Variants in TCERG1L observed in about 807,000 individuals in gnomAD.
The protein encoded by TCERG1L is transcription elongation regulator 1-like protein.
TCERG1L carries 37 observed loss-of-function variants against 56.3 expected under a neutral mutation model. The observed-to-expected ratio is 0.66, with a 90% CI of 0.51 to 0.87. The LOEUF (loss-of-function observed/expected upper bound fraction) is 0.87, where lower values mean the gene tolerates loss of function less well. TCERG1L is among the 40% of genes least tolerant of loss of function. The pLI is 0.00. For synonymous variants in TCERG1L, 324 were observed against 326.3 expected (o/e 0.99, Z 0.08); for missense variants, 799 against 774.2 (o/e 1.03, Z -0.38).
chr10:131,291,479 T>C (rs1350274197), intron 3 of TCERG1L, among the ~76,000 whole-genome samples: 1 of 129,566 alleles, frequency 7.7e-6, no homozygotes, highest in African/African-American at 2.9e-5. Context: ...CAGGTTGGAG[T>C]GCAGTGGCGT....
chr10:131,253,722 C>A (rs569029750), intron 4 of TCERG1L, among the ~76,000 whole-genome samples: 1 of 152,246 alleles, frequency 6.6e-6, no homozygotes, highest in South Asian at 2.1e-4. Flanking sequence ...TCGACCAACA[C>A]GCCAGAGCAT....
At chr10:131,290,676 A>T (rs996640050) in intron 3 of TCERG1L, among the ~76,000 whole-genome samples, 2 of 151,744 alleles carry the variant, frequency 1.3e-5, no homozygotes, top group Non-Finnish European at 2.9e-5. Flanking sequence ...ACAAAACAAC[A>T]GCATTTTCTT....
chr10:131,279,902 C>T (rs1249623546), intron 3 of TCERG1L, among the ~76,000 whole-genome samples: 1 of 152,152 alleles, frequency 6.6e-6, no homozygotes, highest in Non-Finnish European at 1.5e-5. Flanking sequence ...ACACCCTCCT[C>T]TCAACAGCAA....
intron 3 of TCERG1L, among the ~76,000 whole-genome samples, chr10:131,307,461 C>G (rs1280409282): frequency 6.6e-6 from 1 of 152,088 alleles, no homozygotes; most frequent in African/African-American, 2.4e-5. Flanking sequence ...TAGGAAATTA[C>G]AAGAAGGTAA....
At chr10:131,216,751 G>C (rs1186233180) in intron 4 of TCERG1L, among the ~76,000 whole-genome samples, 1 of 152,226 alleles carries the variant, frequency 6.6e-6, no homozygotes, top group Non-Finnish European at 1.5e-5. Flanking sequence ...GCATTTATAA[G>C]AAGATGTGTC....
rs1846391443 is a variant in TCERG1L, at chr10:131,276,197, T to C, written c.671-15753A>G. Among the ~76,000 whole-genome samples the C allele has an allele frequency of 1.3e-5, 2 of 152,194 alleles. 1 individual carries two copies. Among genetic ancestry groups the C allele is most frequent in the South Asian group, 4.1e-4 (2 of 4,834 alleles). On this transcript the variant is annotated intron_variant, in intron 3 of 11. Transcript: ENST00000368642. ...GGGTCCTCCTGATATGGGGTTACCA[T>C]GGGGGGAATCCAGCAACATCCCTCT...
intron 7 of TCERG1L, 150 bp downstream of exon 7, chr10:131,146,356 T>C: frequency 1.1e-6 from 1 of 899,494 alleles, no homozygotes; most frequent in African/African-American, 1.7e-5. Flanking sequence ...CCATAAAAAC[T>C]TGATTACTAA....
intron 6 of TCERG1L, among the ~76,000 whole-genome samples, chr10:131,148,276 G>C (rs1272871211): frequency 6.6e-6 from 1 of 152,170 alleles, no homozygotes; most frequent in Non-Finnish European, 1.5e-5. Flanking sequence ...GAGATAGGAA[G>C]ATGGAGGCAG....
At chr10:131,095,202 T>TCAACCCCACCGGGCGGC (rs916379382) in intron 11 of TCERG1L, 6 of 142,796 alleles carry the variant, frequency 4.2e-5, no homozygotes, top group South Asian at 2.0e-4. Context: ...CCACCGGGTG[T>TCAACCCCACCGGGCGGC]CAACCCCACC....
At chr10:131,217,899 T>C (rs1179409818) in intron 4 of TCERG1L, among the ~76,000 whole-genome samples, 1 of 151,982 alleles carries the variant, frequency 6.6e-6, no homozygotes, top group Non-Finnish European at 1.5e-5. Flanking sequence ...TTTTTTTTTG[T>C]ATTTTTAGTA....
At chr10:131,250,432 G>C (rs939517856) in intron 4 of TCERG1L, among the ~76,000 whole-genome samples, 3 of 90,716 alleles carry the variant, frequency 3.3e-5, no homozygotes, top group Non-Finnish European at 4.3e-5. Context: ...TTCTTTCCTC[G>C]GGGTTCTAAG....
At chr10:131,167,593 C>T (rs1476050237) in intron 4 of TCERG1L, among the ~76,000 whole-genome samples, 2 of 152,232 alleles carry the variant, frequency 1.3e-5, no homozygotes, top group African/African-American at 4.8e-5. Context: ...ACAGAACCAG[C>T]CTTGCTGAGG....
intron 3 of TCERG1L, 109 bp downstream of exon 3, chr10:131,308,102 C>T: frequency 8.9e-7 from 1 of 1,125,826 alleles, no homozygotes; most frequent in Non-Finnish European, 1.2e-6. Context: ...TTATATTTTA[C>T]CAAGATAATT....
At chr10:131,154,086 T>C (rs1845894433) in intron 6 of TCERG1L, among the ~76,000 whole-genome samples, 1 of 152,194 alleles carries the variant, frequency 6.6e-6, no homozygotes, top group Admixed American at 6.5e-5. Flanking sequence ...AATATGCATG[T>C]GTTCCCCTTC....
chr10:131,144,027 A>G (rs1198517481), intron 7 of TCERG1L, among the ~76,000 whole-genome samples: 1 of 152,132 alleles, frequency 6.6e-6, no homozygotes, highest in Non-Finnish European at 1.5e-5. Flanking sequence ...ACTGTGAGCC[A>G]CAACTTCCAC....
intron 10 of TCERG1L, among the ~76,000 whole-genome samples, chr10:131,101,022 A>G (rs1159470646): frequency 6.6e-6 from 1 of 152,208 alleles, no homozygotes; most frequent in African/African-American, 2.4e-5. Flanking sequence ...ACAGGCCCAC[A>G]GTTTCCTCTG....
At chr10:131,279,252 G>A (rs1166744953) in intron 3 of TCERG1L, among the ~76,000 whole-genome samples, 3 of 152,136 alleles carry the variant, frequency 2.0e-5, no homozygotes, top group African/African-American at 4.8e-5. Context: ...TTGACTTTAC[G>A]AAGGGACAGA....
At chr10:131,257,049 G>GAA (rs547781119) in intron 4 of TCERG1L, among the ~76,000 whole-genome samples, 1 of 140,392 alleles carries the variant, frequency 7.1e-6, no homozygotes, top group East Asian at 2.0e-4. Context: ...AAGAAAGAAA[G>GAA]AAAGAAAAGA....
At chr10:131,263,782 C>T (rs987456123) in intron 3 of TCERG1L, among the ~76,000 whole-genome samples, 1 of 152,196 alleles carries the variant, frequency 6.6e-6, no homozygotes, top group South Asian at 2.1e-4. Context: ...CTAGAAAGCC[C>T]TACACAAATT....
Sources: allele counts gnomAD v4.1 joint callset (sites outside exome capture counted in the v4.1 genomes callset), GRCh38; gene constraint gnomAD v4.1.1; transcripts MANE v1.5; gene names NCBI Gene and HGNC (gene_info 2026-07-23, HGNC 2026-07-21).